KIZ: variants seen among roughly 807,000 people sequenced by gnomAD.
KIZ encodes kizuna centrosomal protein.
A neutral mutation model predicts 79.6 loss-of-function variants in KIZ; 68 were observed. That is an observed-to-expected ratio of 0.85 (90% confidence interval 0.70 to 1.05). The LOEUF is 1.05. KIZ is among the 50% of genes least tolerant of loss of function. The pLI is 0.00. For synonymous variants in KIZ, 280 were observed against 281.8 expected (o/e 0.99, Z 0.06); for missense variants, 797 against 800.4 (o/e 1.00, Z 0.05).
intron 6 of KIZ, among the ~76,000 whole-genome samples, chr20:21,166,784 G>A (rs564510884): frequency 3.0e-4 from 46 of 152,106 alleles, no homozygotes; most frequent in Non-Finnish European, 5.7e-4. Context: ...GTAGAGACCC[G>A]GTTTCACTAT....
intron 9 of KIZ, among the ~76,000 whole-genome samples, chr20:21,222,191 G>A (rs1050680797): frequency 6.6e-6 from 1 of 152,198 alleles, no homozygotes; most frequent in Non-Finnish European, 1.5e-5. Flanking sequence ...AAGGATAAAA[G>A]GTACTTTTCT....
At chr20:21,209,772 T>C (rs755606209) in intron 7 of KIZ, among the ~76,000 whole-genome samples, 1 of 152,278 alleles carries the variant, frequency 6.6e-6, no homozygotes, top group African/African-American at 2.4e-5. Flanking sequence ...ACATCCATTA[T>C]TTTTAATTCT....
intron 11 of KIZ, among the ~76,000 whole-genome samples, chr20:21,235,672 T>C (rs1033847168): frequency 2.6e-5 from 4 of 152,252 alleles, no homozygotes; most frequent in Non-Finnish European, 5.9e-5. Flanking sequence ...GCCTTGTAAC[T>C]TCAGCTTACT....
At chr20:21,204,937 T>C (rs756418801) in intron 6 of KIZ, among the ~76,000 whole-genome samples, 4 of 152,184 alleles carry the variant, frequency 2.6e-5, no homozygotes, top group Non-Finnish European at 5.9e-5. Flanking sequence ...TATGCAGTGA[T>C]TCAAAACCAT....
At chr20:21,246,420 T>C in intron 12 of KIZ, 59 bp from the exon 13 acceptor site, 1 of 1,045,750 alleles carries the variant, frequency 9.6e-7, no homozygotes, top group Non-Finnish European at 1.5e-6. Context: ...CTGTGCTGTT[T>C]TGTAAGCTCT....
At chr20:21,203,012 T>C (rs1600527392) in intron 6 of KIZ, among the ~76,000 whole-genome samples, 2 of 152,134 alleles carry the variant, frequency 1.3e-5, no homozygotes, top group Non-Finnish European at 1.5e-5. Flanking sequence ...ATCTAACATA[T>C]AAGGATTTAA....
At chr20:21,241,248 G>GA (rs1034898647) in intron 11 of KIZ, among the ~76,000 whole-genome samples, 1 of 152,056 alleles carries the variant, frequency 6.6e-6, no homozygotes, top group African/African-American at 2.4e-5. Flanking sequence ...ATGACCTAGA[G>GA]AAAAAAATGT....
chr20:21,138,615 G>A (rs1967522394), intron 3 of KIZ, among the ~76,000 whole-genome samples: 1 of 152,080 alleles, frequency 6.6e-6, no homozygotes, highest in Admixed American at 6.5e-5. Context: ...GGTGGCCCCT[G>A]GGTGAGGCTG....
chr20:21,157,426 T>G (rs2033437827), intron 4 of KIZ, among the ~76,000 whole-genome samples: 1 of 152,184 alleles, frequency 6.6e-6, no homozygotes, highest in Non-Finnish European at 1.5e-5. Context: ...TTGGCAAAAT[T>G]GCAAAACAGT....
At chr20:21,213,550 C>T (rs1296516693) in intron 7 of KIZ, 1 of 152,206 alleles carries the variant, frequency 6.6e-6, no homozygotes, top group East Asian at 1.9e-4. Context: ...GGGTCACCAC[C>T]ACCACCGAGG....
rs190940090 is a variant in KIZ, at chr20:21,162,419, G to T, written c.954G>T (p.Pro318=). The T allele has an allele frequency of 3.5e-5, 56 of 1,613,158 alleles. No homozygotes were observed. The highest frequency in any genetic ancestry group is 2.5e-4 in the African/African-American group (19 of 75,030). The part of the protein sequence containing the change: ...HIEVEEKRAS[P]PVSPIPVSEY... ...AAGTTGAGGAAAAAAGAGCCAGCCC[G>T]CCAGTCTCTCCGATACCAGTTTCAG... Residue 318 remains proline, a synonymous_variant, in exon 5 of 13, where the codon CCG becomes CCT. Transcript: ENST00000619189.
intron 6 of KIZ, among the ~76,000 whole-genome samples, chr20:21,178,289 T>TA (rs1189649972): frequency 1.3e-5 from 2 of 152,172 alleles, no homozygotes; most frequent in East Asian, 3.9e-4. Context: ...GGAAGTCTTG[T>TA]ACCTCCTTAA....
intron 11 of KIZ, among the ~76,000 whole-genome samples, chr20:21,234,288 G>A (rs545592755): frequency 1.3e-5 from 2 of 150,924 alleles, no homozygotes; most frequent in Admixed American, 6.6e-5. Context: ...TATTAGTATC[G>A]TTTCCGTATG....
At chr20:21,211,113 C>T (rs1044590617) in intron 7 of KIZ, among the ~76,000 whole-genome samples, 2 of 152,120 alleles carry the variant, frequency 1.3e-5, no homozygotes, top group Non-Finnish European at 2.9e-5. Flanking sequence ...TTGAATATCA[C>T]AACCGTAAGT....
At chr20:21,193,569 G>A (rs927805240) in intron 6 of KIZ, among the ~76,000 whole-genome samples, 5 of 151,894 alleles carry the variant, frequency 3.3e-5, no homozygotes, top group South Asian at 2.1e-4. Flanking sequence ...TGTTTATAGC[G>A]GCACTATTCA....
In KIZ at chr20:21,162,892, GA is replaced by G. The variant is rs1439979978; in HGVS notation, c.1090del (p.Met364CysfsTer19). 6.2e-7 allele frequency: 1 copy of G among 1,613,542 alleles called. No homozygotes were observed. Among genetic ancestry groups the G allele is most frequent in the Non-Finnish European group, 8.5e-7 (1 of 1,179,756 alleles). On this transcript the variant is annotated frameshift_variant, in exon 6 of 13. Coordinates refer to ENST00000619189, the MANE Select transcript of KIZ (RefSeq NM_018474.6). LOFTEE classifies it high-confidence loss of function. The part of the protein sequence containing the change: ...HREPKSQKPF[R>X]KMQEEEEESW... ...GAACCAAAGTCACAAAAGCCCTTCA[GA>G]AAAATGCAGGAAGAGGAGGAGGAAA...
rs1204892410 is a variant in KIZ, at chr20:21,166,649, G to C, written c.1352+3490G>C. On this transcript the variant is annotated intron_variant, in intron 6 of 12. Coordinates refer to ENST00000619189, the MANE Select transcript of KIZ (RefSeq NM_018474.6). ...TTTTTTTTTTTTTTTGGAGAGACTTGGTTTCTCCATGTTGGTCAGGCTGGT... is the reference window on the plus strand; with the variant it reads ...TTTTTTTTTTTTTTTGGAGAGACTTCGTTTCTCCATGTTGGTCAGGCTGGT... 5.0e-6 allele frequency: 4 copies of C among 792,818 alleles called. No homozygotes were observed. The Admixed American group carries it at 7.0e-5, about 14-fold the overall frequency. 49.1% of individuals were successfully genotyped at this position (792,818 alleles called of 1,614,324 possible).
At chr20:21,192,714 A>G (rs1351811127) in intron 6 of KIZ, among the ~76,000 whole-genome samples, 2 of 152,154 alleles carry the variant, frequency 1.3e-5, no homozygotes, top group African/African-American at 4.8e-5. Context: ...CCAGTAACCC[A>G]TTGGGGTATG....
intron 4 of KIZ, among the ~76,000 whole-genome samples, chr20:21,159,498 C>T (rs188483680): frequency 5.3e-4 from 81 of 152,230 alleles, no homozygotes; most frequent in African/African-American, 1.9e-3. Context: ...CCCCCGATTC[C>T]TTCTACTCCC....
Sources: gnomAD v4.1 joint callset for allele counts (sites outside exome capture counted in the v4.1 genomes callset) on GRCh38, gnomAD v4.1.1 for gene constraint, MANE v1.5 for transcripts, NCBI Gene and HGNC (gene_info 2026-07-23, HGNC 2026-07-21) for gene names.